RASAL2: variants seen among roughly 807,000 people sequenced by gnomAD.
RASAL2 encodes ras GTPase-activating protein nGAP.
Under a neutral mutation model 128.9 loss-of-function variants are expected in RASAL2, and 58 were observed. That is an observed-to-expected ratio of 0.45 (90% CI 0.36 to 0.56). The LOEUF is 0.56. Ranked by LOEUF, RASAL2 falls within the 20% of genes least tolerant of loss-of-function variation. The pLI is 0.00. For synonymous variants in RASAL2, 561 were observed against 580.8 expected, an observed-to-expected ratio of 0.97 and a Z score of 0.49; for missense variants, 1,360 against 1,601.6, an observed-to-expected ratio of 0.85 and a Z score of 2.57.
At chr1:178,175,437 C>CGTGTGTGTGTGT (rs1158552851) in intron 1 of RASAL2, among the ~76,000 whole-genome samples, 3,077 of 144,394 alleles carry the variant, frequency 0.021, 49 homozygotes, top group African/African-American at 0.037. Context: ...TACATGGTTA[C>CGTGTGTGTGTGT]GTGTGTGTGT....
At chr1:178,295,049 A>G (rs1667430615) in intron 2 of RASAL2, among the ~76,000 whole-genome samples, 1 of 152,200 alleles carries the variant, frequency 6.6e-6, no homozygotes, top group Non-Finnish European at 1.5e-5. Context: ...GATACCAGAA[A>G]GATACCTCAA....
intron 1 of RASAL2, among the ~76,000 whole-genome samples, chr1:178,145,560 A>AT (rs1660705518): frequency 6.6e-6 from 1 of 151,554 alleles, no homozygotes; most frequent in South Asian, 2.1e-4. Context: ...TTGACAAAAA[A>AT]AAAAAAAAAA....
chr1:178,445,968 A>C (rs1376893313), intron 9 of RASAL2, among the ~76,000 whole-genome samples: 1 of 152,114 alleles, frequency 6.6e-6, no homozygotes, highest in East Asian at 1.9e-4. Context: ...TTTTGCCCAA[A>C]GTTTTGGGTG....
chr1:178,099,396 T>G (rs1302999698), intron 1 of RASAL2, among the ~76,000 whole-genome samples: 2 of 152,222 alleles, frequency 1.3e-5, no homozygotes, highest in African/African-American at 4.8e-5. Context: ...TAAGAATGCC[T>G]AGGCATGTAC....
intron 1 of RASAL2, among the ~76,000 whole-genome samples, chr1:178,253,618 A>G (rs1285588636): frequency 6.6e-6 from 1 of 152,026 alleles, no homozygotes; most frequent in African/African-American, 2.4e-5. Flanking sequence ...GGGCTGTTTT[A>G]TAAGATTTGG....
At chr1:178,329,922 A>G (rs771073048) in intron 3 of RASAL2, among the ~76,000 whole-genome samples, 12 of 152,152 alleles carry the variant, frequency 7.9e-5, no homozygotes, top group Non-Finnish European at 1.2e-4. Context: ...GATGGCAGCT[A>G]TGTAGCTGAC....
intron 1 of RASAL2, among the ~76,000 whole-genome samples, chr1:178,276,877 A>G (rs12080338): frequency 0.27 from 40,982 of 151,716 alleles, 6,453 homozygotes; most frequent in African/African-American, 0.44. Flanking sequence ...GGCCGGGCAC[A>G]GTGGCTCATG....
chr1:178,352,826 A>G (rs916921590), intron 3 of RASAL2, among the ~76,000 whole-genome samples: 8 of 152,212 alleles, frequency 5.3e-5, no homozygotes, highest in Non-Finnish European at 1.2e-4. Context: ...GCTTAACACC[A>G]TGTATTTAAG....
Position 178,351,494 on chromosome 1 carries a change from G to A in RASAL2, c.458-38606G>A, listed in dbSNP as rs190630389. On this transcript the variant is annotated intron_variant, in intron 3 of 17. Transcript: ENST00000367649. ...GGGCTGTAATCCCAGCACTTTGGGA[G>A]GCCAAGGTGGGCGGATCACGAGGTC... is the stretch of plus-strand genomic sequence containing the variant. Among the ~76,000 whole-genome samples, 149 of 152,238 alleles carry A rather than the reference G, an allele frequency of 9.8e-4. 1 individual carries two copies. Among genetic ancestry groups the A allele is most frequent in the Non-Finnish European group, 1.0e-4 (7 of 68,026 alleles).
At chr1:178,274,389 A>G (rs1319918) in intron 1 of RASAL2, among the ~76,000 whole-genome samples, 40,714 of 152,028 alleles carry the variant, frequency 0.27, 6,318 homozygotes, top group African/African-American at 0.43. Context: ...CAAGCATGAG[A>G]ATATATTAAT....
At chr1:178,277,939 G>A (rs540299228) in intron 1 of RASAL2, among the ~76,000 whole-genome samples, 6 of 152,262 alleles carry the variant, frequency 3.9e-5, no homozygotes, top group Non-Finnish European at 7.4e-5. Context: ...TCTCACCAAT[G>A]CAACACAGTG....
At chr1:178,267,427 T>C (rs1666013132) in intron 1 of RASAL2, among the ~76,000 whole-genome samples, 1 of 152,068 alleles carries the variant, frequency 6.6e-6, no homozygotes. Flanking sequence ...AATGTTTGTA[T>C]TATTATGCCA....
At chr1:178,140,667 AGT>A (rs1172099834) in intron 1 of RASAL2, among the ~76,000 whole-genome samples, 1 of 152,164 alleles carries the variant, frequency 6.6e-6, no homozygotes, top group African/African-American at 2.4e-5. Context: ...TAAAAAAACC[AGT>A]GAATCTCCAT....
intron 1 of RASAL2, among the ~76,000 whole-genome samples, chr1:178,162,265 T>C (rs1661332879): frequency 7.3e-6 from 1 of 137,828 alleles, no homozygotes; most frequent in South Asian, 2.1e-4. Flanking sequence ...GCACCTGGCC[T>C]AATTGTTGAT....
intron 4 of RASAL2, among the ~76,000 whole-genome samples, chr1:178,407,538 A>G (rs745606329): frequency 7.2e-5 from 11 of 152,198 alleles, no homozygotes; most frequent in Non-Finnish European, 1.0e-4. Flanking sequence ...AATGAAAACA[A>G]TTCTCACCTG....
intron 1 of RASAL2, 126 bp downstream of exon 1, chr1:178,094,820 T>G: frequency 8.6e-7 from 1 of 1,167,180 alleles, no homozygotes; most frequent in Non-Finnish European, 1.2e-6. Context: ...ACATCCCTTT[T>G]TGTTCTGGGG....
intron 2 of RASAL2, among the ~76,000 whole-genome samples, chr1:178,289,617 C>G (rs936204050): frequency 3.9e-5 from 6 of 152,044 alleles, no homozygotes; most frequent in Admixed American, 3.9e-4. Context: ...ACCAGGCCAT[C>G]TCTCTTCTCT....
chr1:178,240,502 A>G (rs1196024410), intron 1 of RASAL2, among the ~76,000 whole-genome samples: 1 of 151,956 alleles, frequency 6.6e-6, no homozygotes, highest in Non-Finnish European at 1.5e-5. Context: ...TATTTTAAAT[A>G]CAAGAATATA....
chr1:178,397,733 G>A (rs1673332507), intron 4 of RASAL2, among the ~76,000 whole-genome samples: 1 of 151,616 alleles, frequency 6.6e-6, no homozygotes. Flanking sequence ...CCTCAGCTGT[G>A]AAGCTGGAAC....
Sources: gnomAD v4.1 joint callset for allele counts (sites outside exome capture counted in the v4.1 genomes callset) on GRCh38, gnomAD v4.1.1 for gene constraint, MANE v1.5 for transcripts, NCBI Gene and HGNC (gene_info 2026-07-23, HGNC 2026-07-21) for gene names.